The following NEK5 variants were observed in gnomAD, a reference collection of about 807,000 sequenced individuals.
NEK5 encodes serine/threonine-protein kinase Nek5.
Under a neutral mutation model 109.2 loss-of-function variants are expected in NEK5, and 88 were observed. That is an observed-to-expected ratio of 0.81 (90% confidence interval 0.68 to 0.96). The LOEUF is 0.96. Among genes scored for constraint, NEK5 ranks in the 40% least tolerant of loss-of-function variants. The pLI is 0.00. For synonymous variants in NEK5, 283 were observed against 299.9 expected (o/e 0.94, Z 0.58); for missense variants, 834 against 920.7 (o/e 0.91, Z 1.22).
At chr13:52,103,240 C>T (rs569564581) in intron 9 of NEK5, among the ~76,000 whole-genome samples, 52 of 152,274 alleles carry the variant, frequency 3.4e-4, no homozygotes, top group African/African-American at 1.3e-3. Flanking sequence ...ACCAACCTGG[C>T]CAACATGGCA....
At chr13:52,066,523 C>T (rs868413063) in intron 20 of NEK5, among the ~76,000 whole-genome samples, 2 of 151,858 alleles carry the variant, frequency 1.3e-5, no homozygotes, top group African/African-American at 4.8e-5. Context: ...AAAATTAACT[C>T]GGCCGGGTGC....
intron 22 of NEK5, among the ~76,000 whole-genome samples, chr13:52,054,652 A>C (rs1954537182): frequency 6.6e-6 from 1 of 152,214 alleles, no homozygotes; most frequent in Non-Finnish European, 1.5e-5. Flanking sequence ...CTGACCCCTG[A>C]GCAGCCTAAC....
chr13:52,041,282 TAAACTA>T (rs1954410883), intron 23 of NEK5, among the ~76,000 whole-genome samples: 1 of 152,100 alleles, frequency 6.6e-6, no homozygotes, highest in African/African-American at 2.4e-5. Flanking sequence ...CCCAAAAAGA[TAAACTA>T]AAGCAAAGCA....
chr13:52,062,197 A>T (rs1954619097), intron 21 of NEK5: 1 of 152,192 alleles, frequency 6.6e-6, no homozygotes, highest in Non-Finnish European at 1.5e-5. Context: ...CCTATTTTAA[A>T]TTGATTTATA....
At chr13:52,043,449 T>C (rs923345457) in intron 23 of NEK5, among the ~76,000 whole-genome samples, 11 of 150,258 alleles carry the variant, frequency 7.3e-5, no homozygotes, top group Admixed American at 5.3e-4. Flanking sequence ...AGGCAGAGAA[T>C]TGGCTTGAAC....
intron 21 of NEK5, among the ~76,000 whole-genome samples, chr13:52,064,399 G>C (rs1359633048): frequency 1.4e-5 from 2 of 146,066 alleles, no homozygotes; most frequent in African/African-American, 2.5e-5. Flanking sequence ...TCCGGGAGGT[G>C]GGGGAGCCAG....
chr13:52,065,281 T>C (rs1954668419), intron 21 of NEK5: 3 of 734,076 alleles, frequency 4.1e-6, no homozygotes, highest in East Asian at 2.5e-5. Context: ...TATGTGCATG[T>C]CTAGAGTGGT....
rs183513644 is a variant in NEK5 at position 52,091,131 on chromosome 13, C to A, written c.1209-1818G>T. On this transcript the variant is annotated intron_variant, in intron 13 of 23. Coordinates refer to ENST00000684899, the MANE Select transcript of NEK5 (RefSeq NM_001365552.1). The stretch of plus-strand genomic sequence containing the variant: ...TATACAAAGAGGAGGGGTTACCAGG[C>A]ATCAAAGGGGCATCCAGGAAAGAGA... Among the ~76,000 whole-genome samples, 911 of 152,196 alleles carry A rather than the reference C, an allele frequency of 6.0e-3. 22 individuals are homozygous for A. Among genetic ancestry groups the A allele is most frequent in the Admixed American group, 9.8e-3 (150 of 15,280 alleles).
chr13:52,113,206 TA>T (rs1182134343), intron 4 of NEK5, among the ~76,000 whole-genome samples: 1 of 152,180 alleles, frequency 6.6e-6, no homozygotes, highest in African/African-American at 2.4e-5. Context: ...ATGTACAGAC[TA>T]TCCACAAATC....
intron 21 of NEK5, among the ~76,000 whole-genome samples, chr13:52,063,886 C>A (rs1299396348): frequency 6.6e-6 from 1 of 152,052 alleles, no homozygotes; most frequent in Admixed American, 6.5e-5. Context: ...GCAGCCTCCC[C>A]ATCCGGGAAG....
intron 19 of NEK5, among the ~76,000 whole-genome samples, chr13:52,073,417 G>A (rs1461469732): frequency 3.3e-5 from 5 of 151,670 alleles, no homozygotes; most frequent in Admixed American, 1.3e-4. Context: ...CTGGGTTCAA[G>A]TGATTCTCCT....
At chr13:52,061,395 A>G (rs1390927958) in intron 22 of NEK5, among the ~76,000 whole-genome samples, 1 of 152,200 alleles carries the variant, frequency 6.6e-6, no homozygotes, top group African/African-American at 2.4e-5. Flanking sequence ...CTCCTGCCTT[A>G]AAGTAAACAA....
chr13:52,053,760 C>T (rs1367310125), intron 22 of NEK5, among the ~76,000 whole-genome samples: 1 of 152,182 alleles, frequency 6.6e-6, no homozygotes, highest in African/African-American at 2.4e-5. Context: ...CCCACATACC[C>T]TCCATACCAA....
intron 23 of NEK5, among the ~76,000 whole-genome samples, chr13:52,039,303 G>C (rs1954394672): frequency 6.6e-6 from 1 of 152,144 alleles, no homozygotes; most frequent in South Asian, 2.1e-4. Context: ...ACACTGGGAA[G>C]GAAGCTGACC....
chr13:52,068,648 G>A (rs1341867832), intron 20 of NEK5, among the ~76,000 whole-genome samples: 2 of 152,064 alleles, frequency 1.3e-5, no homozygotes, highest in Non-Finnish European at 2.9e-5. Flanking sequence ...AAGGATGAAG[G>A]GCATGAGTAC....
chr13:52,077,296 C>T (rs1165677177), intron 17 of NEK5, among the ~76,000 whole-genome samples: 2 of 152,170 alleles, frequency 1.3e-5, no homozygotes, highest in East Asian at 3.8e-4. Flanking sequence ...TTTAATTCCG[C>T]ACCTGAAACA....
At chr13:52,058,331 T>A (rs61958809) in intron 22 of NEK5, among the ~76,000 whole-genome samples, 77 of 145,052 alleles carry the variant, frequency 5.3e-4, no homozygotes, top group African/African-American at 1.9e-3. Context: ...GAACATTCTA[T>A]GCTCATGGGT....
At chr13:52,093,662 T>C (rs919665369) in intron 12 of NEK5, among the ~76,000 whole-genome samples, 1 of 152,170 alleles carries the variant, frequency 6.6e-6, no homozygotes, top group Non-Finnish European at 1.5e-5. Flanking sequence ...TTTTCTTCTA[T>C]ACTTTTTTTT....
rs891701844 is a variant in NEK5 at position 52,034,032 on chromosome 13, T to G, written c.*2916A>C. On this transcript the variant is annotated 3_prime_UTR_variant, in exon 24 of 24. Coordinates refer to ENST00000684899, the MANE Select transcript of NEK5 (RefSeq NM_001365552.1). ...CTTTGGAGAAGCATCTGTTCCAATA[T>G]TCTGGTGCTATGTGCTCAGTTGTAC... 1 of 152,256 alleles carries G rather than the reference T, an allele frequency of 6.6e-6. No individual in the cohort carries two copies. The highest frequency in any genetic ancestry group is 1.5e-5 in the Non-Finnish European group (1 of 68,042). The allele number at this position is 152,256 out of a possible 1,614,324, so 9.4% of individuals were successfully genotyped here. A position where few individuals can be genotyped will look rare whatever the true frequency, so the allele number is the denominator to read the frequency against.
Sources: gnomAD v4.1 joint callset for allele counts (sites outside exome capture counted in the v4.1 genomes callset) on GRCh38, gnomAD v4.1.1 for gene constraint, MANE v1.5 for transcripts, NCBI Gene and HGNC (gene_info 2026-07-23, HGNC 2026-07-21) for gene names.